NDEL1: variants seen among roughly 807,000 people sequenced by gnomAD.
NDEL1 encodes nudE neurodevelopment protein 1 like 1.
In NDEL1, 9 loss-of-function variants were observed where a neutral mutation model predicts 45.7. That is an observed-to-expected ratio of 0.20 (90% CI 0.12 to 0.34). The LOEUF (loss-of-function observed/expected upper bound fraction) is 0.34, where lower values mean the gene tolerates loss of function less well. Ranked by LOEUF, NDEL1 falls within the 10% of genes least tolerant of loss-of-function variation. The pLI, the probability that NDEL1 is intolerant of heterozygous loss-of-function variation, is 1.00. For missense variants in NDEL1, 306 were observed against 406.2 expected, an observed-to-expected ratio of 0.75 and a Z score of 2.12; for synonymous variants, 133 against 158.6, an observed-to-expected ratio of 0.84 and a Z score of 1.21.
At chr17:8,446,929 A>C in intron 4 of NDEL1, 27 bp downstream of exon 4, 1 of 1,605,552 alleles carries the variant, frequency 6.2e-7, no homozygotes, top group Non-Finnish European at 8.5e-7. Flanking sequence ...ATTTTGTTAG[A>C]AAAAAACCAC....
intron 7 of NDEL1, among the ~76,000 whole-genome samples, chr17:8,457,848 G>A (rs1030809926): frequency 2.6e-5 from 4 of 151,856 alleles, no homozygotes; most frequent in Non-Finnish European, 5.9e-5. Flanking sequence ...CTATATATGC[G>A]TTAATATTTA....
chr17:8,449,814 A>G (rs1033939479), intron 5 of NDEL1, among the ~76,000 whole-genome samples: 2 of 152,150 alleles, frequency 1.3e-5, no homozygotes, highest in African/African-American at 4.8e-5. Flanking sequence ...ATCTCTTGCT[A>G]TTGCGAATGA....
rs761144444 is a variant in NDEL1 at position 8,450,961 on chromosome 17, A to G, written c.700+8A>G. On this transcript the variant is annotated splice_region_variant and intron_variant, in intron 6 of 8. Transcript: ENST00000334527. ...CTTTTCCTTCACCGAAAGGTTTGTA[A>G]TGTCTTTTCTTTTTGAGGCGATGTG... is the stretch of plus-strand genomic sequence containing the variant. 9.4e-6 allele frequency: 15 copies of G among 1,599,448 alleles called. No homozygotes were observed. The highest frequency in any genetic ancestry group is 1.3e-5 in the Non-Finnish European group (15 of 1,174,480).
At chr17:8,439,634 AT>A (rs1909605552) in intron 1 of NDEL1, among the ~76,000 whole-genome samples, 2 of 152,296 alleles carry the variant, frequency 1.3e-5, no homozygotes, top group African/African-American at 4.8e-5. Flanking sequence ...TTTTTCAGCA[AT>A]GGTGATATCA....
At chr17:8,463,146 C>A in intron 8 of NDEL1, 50 of 490,748 alleles carry the variant, frequency 1.0e-4, no homozygotes, top group Non-Finnish European at 9.2e-5. Context: ...CTCTCAAAAA[C>A]ACTCTTTTTT....
intron 6 of NDEL1, among the ~76,000 whole-genome samples, chr17:8,452,290 G>A (rs1282820023): frequency 6.6e-6 from 1 of 152,180 alleles, no homozygotes; most frequent in Non-Finnish European, 1.5e-5. Context: ...AATTGAAGAC[G>A]AATCAGAATA....
intron 7 of NDEL1, among the ~76,000 whole-genome samples, chr17:8,456,088 G>A (rs764378086): frequency 2.8e-4 from 42 of 151,962 alleles, no homozygotes; most frequent in Non-Finnish European, 4.7e-4. Context: ...ACTTATTTTC[G>A]TGTGTGACAC....
chr17:8,421,342 T>C (rs1266190027), intron 1 of NDEL1, among the ~76,000 whole-genome samples: 1 of 152,182 alleles, frequency 6.6e-6, no homozygotes, highest in Non-Finnish European at 1.5e-5. Flanking sequence ...GCAGACATGA[T>C]TAAATTAAGG....
intron 1 of NDEL1, among the ~76,000 whole-genome samples, chr17:8,430,027 C>A (rs187401664): frequency 6.6e-6 from 1 of 151,976 alleles, no homozygotes; most frequent in African/African-American, 2.4e-5. Context: ...TGACCACATG[C>A]GTGAGATGCA....
At position 8,429,365 on chromosome 17, in the gene NDEL1, G is replaced by A. The variant is rs138781856; in HGVS notation, c.-12-14895G>A. On this transcript the variant is annotated intron_variant, in intron 1 of 4. Coordinates refer to the NDEL1 transcript ENST00000582812. The stretch of plus-strand genomic sequence containing the variant: ...TCAACACTGTCCCTACACTCAGTGA[G>A]TTTTGGTTTCTTGGGGGAGATTGGA... 8.8e-3 allele frequency among the ~76,000 whole-genome samples: 1,347 copies of A among 152,352 alleles called. 13 individuals are homozygous for A. The highest frequency in any genetic ancestry group is 0.015 in the Non-Finnish European group (1,051 of 68,034).
chr17:8,472,467 T>C (rs62063386), downstream of NDEL1, among the ~76,000 whole-genome samples: 27,670 of 152,104 alleles, frequency 0.18, 3,180 homozygotes, highest in Admixed American at 0.31. Context: ...AAAACCAACC[T>C]GTCCAACATG....
At chr17:8,420,711 C>A (rs1388004930) in intron 1 of NDEL1, among the ~76,000 whole-genome samples, 2 of 152,184 alleles carry the variant, frequency 1.3e-5, no homozygotes, top group Admixed American at 1.3e-4. Context: ...TTGTAAGTCT[C>A]ATTATATATT....
intron 1 of NDEL1, among the ~76,000 whole-genome samples, chr17:8,437,034 C>G (rs1181201284): frequency 6.6e-6 from 1 of 152,096 alleles, no homozygotes; most frequent in African/African-American, 2.4e-5. Flanking sequence ...ATTACTTACT[C>G]AATTATTTTT....
At position 8,466,970 on chromosome 17, in the gene NDEL1, C is replaced by A. The variant is rs747600071; in HGVS notation, c.985C>A (p.Leu329Met). Reference protein sequence around the residue: ...GFDPAPPPPGLGSSRPSSAPG... With the variant: ...GFDPAPPPPGMGSSRPSSAPG... ...TGACCCCGCTCCTCCTCCTCCTGGT[C>A]TGGGCTCCTCGCGTCCATCGTCAGC... Residue 329 changes from leucine to methionine, a missense_variant, in exon 9 of 9, where the codon CTG becomes ATG. Leu to Met is a conservative substitution (Grantham distance 15, BLOSUM62 2). Around this residue, in one of 3 missense-constraint regions of NDEL1, gnomAD observed 175 missense variants for 205.2 expected, o/e 0.85. Transcript: ENST00000334527. The A allele has an allele frequency of 1.2e-6, 2 of 1,614,210 alleles. No individual in the cohort carries two copies.
chr17:8,428,353 TGTGTGTGTA>T (rs1210881483), intron 1 of NDEL1, among the ~76,000 whole-genome samples: 20 of 131,728 alleles, frequency 1.5e-4, no homozygotes, highest in South Asian at 7.7e-4. Flanking sequence ...TGTGTGTGTG[TGTGTGTGTA>T]TTTTTTTTTT....
rs370157060 is a variant in NDEL1, at chr17:8,436,854, G to A, written c.-13+809G>A. On this transcript the variant is annotated intron_variant, in intron 1 of 8. Transcript: ENST00000334527. ...ATGGGTAAATGGAGCTGGGATGGGG[G>A]TAATTATTTATACTTAGGTTCAACC... Among the ~76,000 whole-genome samples, 45 of 152,310 alleles carry A rather than the reference G, an allele frequency of 3.0e-4. No homozygotes were observed. The East Asian group carries it at 4.4e-3, about 15-fold the overall frequency.
chr17:8,458,433 G>A (rs983026309), intron 7 of NDEL1, among the ~76,000 whole-genome samples: 7 of 152,032 alleles, frequency 4.6e-5, no homozygotes, highest in African/African-American at 1.7e-4. Context: ...GCTCGTGCTT[G>A]GATGTCTCAC....
chr17:8,425,730 C>G (rs961034328), intron 1 of NDEL1, among the ~76,000 whole-genome samples: 7 of 152,100 alleles, frequency 4.6e-5, no homozygotes, highest in Admixed American at 1.3e-4. Flanking sequence ...AAAACCTTGA[C>G]TAATTTTTTC....
At chr17:8,429,652 A>G (rs1342622374) in intron 1 of NDEL1, among the ~76,000 whole-genome samples, 2 of 152,144 alleles carry the variant, frequency 1.3e-5, no homozygotes, top group Non-Finnish European at 2.9e-5. Context: ...TTGGGGGACC[A>G]TGCTGGTGGG....
Sources: gnomAD v4.1 joint callset for allele counts (sites outside exome capture counted in the v4.1 genomes callset) on GRCh38, gnomAD v4.1.1 for gene constraint, gnomAD v4.1.1 regional missense constraint, MANE v1.5 for transcripts, NCBI Gene and HGNC (gene_info 2026-07-23, HGNC 2026-07-21) for gene names.